The following CSGALNACT2 variants were observed in gnomAD, a reference collection of about 807,000 sequenced individuals.
CSGALNACT2 encodes the protein beta 4 GalNAcT-2.
A neutral mutation model predicts 55.3 loss-of-function variants in CSGALNACT2; 35 were observed. That is an observed-to-expected ratio of 0.63 (90% confidence interval 0.48 to 0.84). CSGALNACT2 has a LOEUF of 0.84. Ranked by LOEUF, CSGALNACT2 falls within the 40% of genes least tolerant of loss-of-function variation. The pLI, the probability that CSGALNACT2 is intolerant of heterozygous loss-of-function variation, is 0.00. For missense variants in CSGALNACT2, 544 were observed against 657.5 expected, an observed-to-expected ratio of 0.83 and a Z score of 1.89; for synonymous variants, 196 against 224.9, an observed-to-expected ratio of 0.87 and a Z score of 1.15.
At chr10:43,148,698 T>C (rs1230125686) in intron 1 of CSGALNACT2, among the ~76,000 whole-genome samples, 4 of 152,224 alleles carry the variant, frequency 2.6e-5, no homozygotes, top group Non-Finnish European at 5.9e-5. Context: ...GTTGCTAATG[T>C]AGAGAAATAC....
At position 43,163,862 on chromosome 10, in the gene CSGALNACT2, A is replaced by G. The variant is rs371160738; in HGVS notation, c.981-4A>G. 4 of 1,611,468 alleles carry G rather than the reference A, an allele frequency of 2.5e-6. No homozygotes were observed. The African/African-American group carries it at 5.3e-5, about 21-fold the overall frequency. On this transcript the variant is annotated splice_region_variant and splice_polypyrimidine_tract_variant and intron_variant, in intron 4 of 7. Transcript: ENST00000374466. ...ATCATTTGTTGTGTGTGCTTTCCTC[A>G]TAGTGAGTCTAATTTTCACAATTAC...
intron 1 of CSGALNACT2, among the ~76,000 whole-genome samples, chr10:43,146,916 A>C (rs1333469510): frequency 6.9e-6 from 1 of 144,804 alleles, no homozygotes; most frequent in Non-Finnish European, 1.5e-5. Context: ...GTGGTGTCTT[A>C]TTATGGTTTG....
intron 6 of CSGALNACT2, 107 bp downstream of exon 6, chr10:43,167,205 CAA>C (rs760843102): frequency 1.6e-5 from 11 of 709,202 alleles, no homozygotes; most frequent in Admixed American, 1.1e-4. Context: ...TTTCCATGAG[CAA>C]AGTGTTAAAG....
At chr10:43,183,106 A>G in intron 7 of CSGALNACT2, 144 bp from the exon 8 acceptor site, 1 of 664,330 alleles carries the variant, frequency 1.5e-6, no homozygotes, top group Non-Finnish European at 2.7e-6. Flanking sequence ...ACTGGGAGTC[A>G]CTCCTCCATG....
Position 43,155,154 on chromosome 10 carries a change from C to G in CSGALNACT2, c.5C>G (p.Pro2Arg), listed in dbSNP as rs775867004. Residue 2 changes from proline to arginine, a missense_variant, in exon 2 of 8, where the codon CCT becomes CGT. Coordinates refer to ENST00000374466, the MANE Select transcript of CSGALNACT2 (RefSeq NM_018590.5). ...GGCAAATACACATTAATAAGAATGC[C>G]TAGAAGAGGACTGATTCTTCACACC... MPRRGLILHTRT... is the reference protein window; with the variant it reads MRRRGLILHTRT... 2.5e-6 allele frequency: 4 copies of G among 1,611,856 alleles called. No individual in the cohort carries two copies. Among genetic ancestry groups the G allele is most frequent in the Non-Finnish European group, 3.4e-6 (4 of 1,178,192 alleles).
chr10:43,165,307 AACAATGTATTGTAT>A (rs1212733240), intron 5 of CSGALNACT2, among the ~76,000 whole-genome samples: 10 of 152,304 alleles, frequency 6.6e-5, no homozygotes, highest in South Asian at 2.1e-4. Context: ...TATAGTTAAT[AACAATGTATTGTAT>A]ACTTACAAAT....
intron 4 of CSGALNACT2, 131 bp from the exon 5 acceptor site, chr10:43,163,734 TC>T (rs1839200503): frequency 7.4e-7 from 1 of 1,358,004 alleles, no homozygotes; most frequent in African/African-American, 1.5e-5. Flanking sequence ...GGATTTTCTT[TC>T]CCTTTGTGAA....
chr10:43,175,009 A>G (rs1002871735), intron 6 of CSGALNACT2, among the ~76,000 whole-genome samples: 2 of 152,218 alleles, frequency 1.3e-5, no homozygotes, highest in African/African-American at 4.8e-5. Flanking sequence ...CTTAGACTTA[A>G]GTGGTGACAG....
In CSGALNACT2 at chr10:43,163,950, T is replaced by C; in HGVS notation, c.1065T>C (p.Ala355=). The change falls in exon 5 of 8, where the codon GCT becomes GCC. Residue 355 remains alanine (A), a synonymous_variant. Transcript: ENST00000374466. The part of the protein sequence containing the change: ...RGRGLNVGAR[A]WDKGEVLMFF... ...GAGGACTAAATGTGGGTGCCCGAGC[T>C]TGGGACAAGGGAGAGGTCTTGATGT... 6.2e-7 allele frequency: 1 copy of C among 1,614,174 alleles called. No homozygotes were observed. The highest frequency in any genetic ancestry group is 8.5e-7 in the Non-Finnish European group (1 of 1,180,030).
chr10:43,182,508 T>C (rs1839606886), intron 7 of CSGALNACT2, among the ~76,000 whole-genome samples: 1 of 152,174 alleles, frequency 6.6e-6, no homozygotes, highest in Non-Finnish European at 1.5e-5. Flanking sequence ...TTCTCAAATT[T>C]ATATCTCCAG....
At chr10:43,180,524 G>A (rs1419903390) in intron 7 of CSGALNACT2, among the ~76,000 whole-genome samples, 1 of 152,066 alleles carries the variant, frequency 6.6e-6, no homozygotes, top group Non-Finnish European at 1.5e-5. Flanking sequence ...TTCCATTAGA[G>A]CCCTTAGAGT....
chr10:43,179,532 T>C (rs560742685), intron 7 of CSGALNACT2, among the ~76,000 whole-genome samples: 2 of 152,242 alleles, frequency 1.3e-5, no homozygotes, highest in East Asian at 1.9e-4. Context: ...TAGGATGGCA[T>C]TGGATTTAGC....
intron 7 of CSGALNACT2, among the ~76,000 whole-genome samples, chr10:43,180,026 A>C (rs1205148637): frequency 6.6e-6 from 1 of 152,238 alleles, no homozygotes; most frequent in African/African-American, 2.4e-5. Context: ...GGACAGTGAC[A>C]CACTTATTAA....
intron 4 of CSGALNACT2, among the ~76,000 whole-genome samples, chr10:43,161,797 C>T (rs758949203): frequency 6.6e-6 from 1 of 152,152 alleles, no homozygotes; most frequent in African/African-American, 2.4e-5. Flanking sequence ...TAGTTAGTTC[C>T]TACTTAATTC....
chr10:43,143,011 GTTATAA>G (rs1838663432), intron 1 of CSGALNACT2, among the ~76,000 whole-genome samples: 1 of 152,166 alleles, frequency 6.6e-6, no homozygotes, highest in Non-Finnish European at 1.5e-5. Flanking sequence ...TTGAATAAGT[GTTATAA>G]TTATACTCTA....
intron 1 of CSGALNACT2, among the ~76,000 whole-genome samples, chr10:43,149,561 T>C (rs1838832001): frequency 6.6e-6 from 1 of 152,228 alleles, no homozygotes; most frequent in Non-Finnish European, 1.5e-5. Flanking sequence ...TTGGCCATGA[T>C]GTATGATTCC....
At chr10:43,172,817 G>A (rs1294607611) in intron 6 of CSGALNACT2, among the ~76,000 whole-genome samples, 7 of 152,216 alleles carry the variant, frequency 4.6e-5, no homozygotes, top group Non-Finnish European at 1.0e-4. Flanking sequence ...CGTGGTTTCT[G>A]TGGCTTGTTT....
chr10:43,161,454 C>G (rs1293584475), intron 4 of CSGALNACT2, among the ~76,000 whole-genome samples: 1 of 152,194 alleles, frequency 6.6e-6, no homozygotes, highest in Non-Finnish European at 1.5e-5. Context: ...GGCCATTTGC[C>G]AAGAGCCCAG....
At chr10:43,165,642 A>T (rs1426937927) in intron 5 of CSGALNACT2, among the ~76,000 whole-genome samples, 1 of 152,108 alleles carries the variant, frequency 6.6e-6, no homozygotes, top group East Asian at 1.9e-4. Context: ...TTAAAAATAA[A>T]ATTTTTGGCC....
Sources: gnomAD v4.1 joint callset for allele counts (sites outside exome capture counted in the v4.1 genomes callset) on GRCh38, gnomAD v4.1.1 for gene constraint, MANE v1.5 for transcripts, NCBI Gene and HGNC (gene_info 2026-07-23, HGNC 2026-07-21) for gene names.